The following RNASEH2B variants were observed in gnomAD, a reference collection of about 807,000 sequenced individuals.
The protein encoded by RNASEH2B is Aicardi-Goutieres syndrome 2 protein.
Under a neutral mutation model 45.0 loss-of-function variants are expected in RNASEH2B, and 36 were observed. That is an observed-to-expected ratio of 0.80 (90% CI 0.61 to 1.06). RNASEH2B has a LOEUF of 1.06. Among genes scored for constraint, RNASEH2B ranks in the 50% least tolerant of loss-of-function variants. The pLI is 0.00. For synonymous variants in RNASEH2B, 119 were observed against 125.7 expected (o/e 0.95, Z 0.35); for missense variants, 361 against 360.3 (o/e 1.00, Z -0.02).
At chr13:50,918,506 A>C (rs2137896052) in intron 1 of RNASEH2B, among the ~76,000 whole-genome samples, 1 of 152,298 alleles carries the variant, frequency 6.6e-6, no homozygotes, top group East Asian at 1.9e-4. Context: ...TACTTCAGTA[A>C]TCACATAATT....
At chr13:50,948,397 GA>G in intron 8 of RNASEH2B, 1 of 212,730 alleles carries the variant, frequency 4.7e-6, no homozygotes. Context: ...AGAAAGGAGG[GA>G]TGGAAAGAGT....
intron 5 of RNASEH2B, among the ~76,000 whole-genome samples, chr13:50,940,632 A>G (rs1951822911): frequency 6.6e-6 from 1 of 152,124 alleles, no homozygotes; most frequent in African/African-American, 2.4e-5. Flanking sequence ...AGAGTGGTGT[A>G]GGAGGAAGAT....
At chr13:50,923,191 C>G (rs1442462388) in intron 1 of RNASEH2B, among the ~76,000 whole-genome samples, 1 of 152,054 alleles carries the variant, frequency 6.6e-6, no homozygotes, top group Non-Finnish European at 1.5e-5. Flanking sequence ...ACCTGTAGGA[C>G]ACCATCAAGC....
At chr13:50,910,169 C>A in intron 1 of RNASEH2B, 29 bp downstream of exon 1, 1 of 1,410,322 alleles carries the variant, frequency 7.1e-7, no homozygotes, top group Non-Finnish European at 9.2e-7. Flanking sequence ...GCGGCGGGGT[C>A]GGCCCAAGAA....
chr13:50,951,240 G>A (rs1566089767), intron 9 of RNASEH2B: 1 of 152,144 alleles, frequency 6.6e-6, no homozygotes, highest in South Asian at 2.1e-4. Context: ...TATACTAGAC[G>A]ATGTACCATC....
chr13:50,938,563 G>C (rs986065984), intron 5 of RNASEH2B: 4 of 152,134 alleles, frequency 2.6e-5, no homozygotes, highest in Admixed American at 6.5e-5. Flanking sequence ...GCAGGGAGGG[G>C]GATGGCTTTG....
intron 10 of RNASEH2B, chr13:50,955,338 C>G (rs926931626): frequency 6.7e-6 from 1 of 149,708 alleles, no homozygotes; most frequent in Non-Finnish European, 1.5e-5. Flanking sequence ...AAGATCTGCC[C>G]AAATAGCGAG....
intron 9 of RNASEH2B, among the ~76,000 whole-genome samples, chr13:50,968,516 G>T (rs1292344533): frequency 6.6e-6 from 1 of 152,162 alleles, no homozygotes; most frequent in African/African-American, 2.4e-5. Flanking sequence ...ACAGTAGGTG[G>T]CCAAGCCCAG....
chr13:50,958,838 A>G (rs1480301056), downstream of RNASEH2B, among the ~76,000 whole-genome samples: 1 of 152,190 alleles, frequency 6.6e-6, no homozygotes, highest in Non-Finnish European at 1.5e-5. Flanking sequence ...ATATTTGTCC[A>G]CATATTTTAT....
chr13:50,939,441 G>T (rs112946255), intron 5 of RNASEH2B, among the ~76,000 whole-genome samples: 2 of 152,110 alleles, frequency 1.3e-5, no homozygotes, highest in African/African-American at 4.8e-5. Flanking sequence ...GATCACTTGA[G>T]CCCAGGAGGT....
At chr13:50,929,319 A>C (rs1238328674) in intron 2 of RNASEH2B, 156 bp from the exon 3 acceptor site, 3 of 647,268 alleles carry the variant, frequency 4.6e-6, no homozygotes, top group African/African-American at 3.6e-5. Context: ...AATAGCTGTA[A>C]GCTTTCCTTG....
chr13:50,925,409 C>T (rs375686381), intron 1 of RNASEH2B, among the ~76,000 whole-genome samples: 36 of 152,164 alleles, frequency 2.4e-4, no homozygotes, highest in African/African-American at 8.7e-4. Flanking sequence ...GCAGACATTG[C>T]GAATTTTGTC....
chr13:50,918,156 G>C (rs916517517), intron 1 of RNASEH2B, among the ~76,000 whole-genome samples: 3 of 151,840 alleles, frequency 2.0e-5, no homozygotes, highest in African/African-American at 7.3e-5. Flanking sequence ...TATTTATTTA[G>C]AGACAGAGTC....
At chr13:50,949,945 C>CT in intron 9 of RNASEH2B, 1 of 154,818 alleles carries the variant, frequency 6.5e-6, no homozygotes, top group Non-Finnish European at 1.4e-5. Context: ...AAGATGATCA[C>CT]TTTTTTTCTG....
intron 5 of RNASEH2B, chr13:50,941,888 C>G (rs1951836876): frequency 6.6e-6 from 1 of 152,258 alleles, no homozygotes; most frequent in Non-Finnish European, 1.5e-5. Context: ...TGTCCAGCCC[C>G]CAATCCATCC....
chr13:50,920,175 G>C (rs1951505274), intron 1 of RNASEH2B, among the ~76,000 whole-genome samples: 1 of 152,154 alleles, frequency 6.6e-6, no homozygotes, highest in African/African-American at 2.4e-5. Context: ...CTCCCAAGTA[G>C]CTGGGATTAC....
In RNASEH2B at chr13:50,934,983, T is replaced by C. The variant is rs1951728058; in HGVS notation, c.420T>C (p.His140=). 3 of 1,611,152 alleles carry C rather than the reference T, an allele frequency of 1.9e-6. No homozygotes were observed. Among genetic ancestry groups the C allele is most frequent in the Admixed American group, 1.7e-5 (1 of 59,994 alleles). The part of the protein sequence containing the change: ...KLPGLEKLLH[H]VTEEKGNPEI... ...CTGGACTTGAGAAGTTACTTCATCA[T>C]GTGACAGAGGAAAAAGGTATGGTAT... is the stretch of plus-strand genomic sequence containing the variant. Residue 140 remains histidine, a synonymous_variant, in exon 5 of 11, where the codon CAT becomes CAC. Transcript: ENST00000336617.
chr13:50,934,882 C>G lies in RNASEH2B; in HGVS notation c.322-3C>G, dbSNP rs767139201. ...CTTGCTTTCCAACTAACTGTTTTTT[C>G]AGGGGAAGTTTCAGCCCCTTGATCA... On this transcript the variant is annotated splice_region_variant and splice_polypyrimidine_tract_variant and intron_variant, in intron 4 of 10. Coordinates refer to ENST00000336617, the MANE Select transcript of RNASEH2B (RefSeq NM_024570.4). 4.4e-6 allele frequency: 7 copies of G among 1,596,558 alleles called. No individual in the cohort carries two copies. The highest frequency in any genetic ancestry group is 5.2e-6 in the Non-Finnish European group (6 of 1,164,904).
chr13:50,948,160 G>C, intron 8 of RNASEH2B, 92 bp downstream of exon 8: 1 of 1,556,762 alleles, frequency 6.4e-7, no homozygotes, highest in Non-Finnish European at 8.7e-7. Flanking sequence ...TCATATCACT[G>C]TTTATGATAC....
Sources: allele counts gnomAD v4.1 joint callset (sites outside exome capture counted in the v4.1 genomes callset), GRCh38; gene constraint gnomAD v4.1.1; transcripts MANE v1.5; gene names NCBI Gene and HGNC (gene_info 2026-07-23, HGNC 2026-07-21).